The following GRM7 variants were observed in gnomAD, a reference collection of about 807,000 sequenced individuals.
GRM7 encodes the protein glutamate metabotropic receptor 7, also known as metabotropic glutamate receptor 7.
In GRM7, 35 loss-of-function variants were observed where a neutral mutation model predicts 84.5. The ratio of observed to expected loss-of-function variants is 0.41; its 90% CI spans 0.32 to 0.55. The LOEUF is 0.55. Among genes scored for constraint, GRM7 ranks in the 20% least tolerant of loss-of-function variants. GRM7 has a pLI of 0.19. For missense variants in GRM7, 1,003 were observed against 1,194.6 expected, an observed-to-expected ratio of 0.84 and a Z score of 2.36; for synonymous variants, 487 against 455.1, an observed-to-expected ratio of 1.07 and a Z score of -0.89.
intron 9 of GRM7, chr3:7,691,403 G>T: frequency 2.5e-6 from 1 of 392,948 alleles, no homozygotes; most frequent in Non-Finnish European, 4.4e-6. Flanking sequence ...AAGAAAAACT[G>T]GACTGGGAGT....
chr3:7,246,282 A>G (rs556125500), intron 2 of GRM7, among the ~76,000 whole-genome samples: 1 of 152,122 alleles, frequency 6.6e-6, no homozygotes, highest in Non-Finnish European at 1.5e-5. Context: ...AGCCTATTGC[A>G]TCTACCTGGG....
chr3:7,261,477 G>A (rs1024092358), intron 2 of GRM7, among the ~76,000 whole-genome samples: 29 of 152,154 alleles, frequency 1.9e-4, no homozygotes, highest in Admixed American at 1.4e-3. Context: ...TACTCTCAAC[G>A]TATGGGTGTC....
intron 5 of GRM7, among the ~76,000 whole-genome samples, chr3:7,422,986 C>A (rs1041480310): frequency 1.3e-5 from 2 of 152,088 alleles, no homozygotes; most frequent in African/African-American, 4.8e-5. Context: ...CTCATTTTCC[C>A]AAATCTTGAC....
rs76384435 is a variant in GRM7 at position 7,464,265 on chromosome 3, C to A, written c.1515+2543C>A. 4.6e-3 allele frequency among the ~76,000 whole-genome samples: 692 copies of A among 152,052 alleles called. 3 individuals carry two copies. Among genetic ancestry groups the A allele is most frequent in the Non-Finnish European group, 8.1e-3 (550 of 67,998 alleles). On this transcript the variant is annotated intron_variant, in intron 7 of 9. Coordinates refer to ENST00000357716, the MANE Select transcript of GRM7 (RefSeq NM_000844.4). ...AATGGGATACATATGTAACGTGAGG[C>A]ACTGTGTGGATGATGGCAACACATG...
chr3:6,907,398 G>A (rs905676618), intron 1 of GRM7, among the ~76,000 whole-genome samples: 2 of 152,174 alleles, frequency 1.3e-5, no homozygotes, highest in Admixed American at 6.6e-5. Flanking sequence ...AAAGGGTTAT[G>A]CTGAACAAGA....
rs148496145 is a variant in GRM7 at position 7,138,305 on chromosome 3, C to T, written c.520-8147C>T. ...GTGACAATATGCCCAATCAACAAGA[C>T]GTTAGACCCTTTTTATCACTGAGAG... is the stretch of plus-strand genomic sequence containing the variant. On this transcript the variant is annotated intron_variant, in intron 1 of 9. Transcript: ENST00000357716. 4.8e-3 allele frequency among the ~76,000 whole-genome samples: 729 copies of T among 151,934 alleles called. 5 individuals carry two copies. Among genetic ancestry groups the T allele is most frequent in the African/African-American group, 0.017 (696 of 41,494 alleles).
intron 1 of GRM7, among the ~76,000 whole-genome samples, chr3:7,002,460 A>T (rs1381944123): frequency 6.6e-6 from 1 of 152,210 alleles, no homozygotes; most frequent in African/African-American, 2.4e-5. Context: ...TAATATATAC[A>T]TATGAGAAAC....
intron 9 of GRM7, among the ~76,000 whole-genome samples, chr3:7,698,630 A>T (rs946954669): frequency 2.6e-5 from 4 of 152,168 alleles, no homozygotes; most frequent in Non-Finnish European, 5.9e-5. Context: ...CTTTTCAACC[A>T]TGGCACTACT....
intron 9 of GRM7, among the ~76,000 whole-genome samples, chr3:7,682,679 A>T (rs1311029314): frequency 6.6e-6 from 1 of 152,178 alleles, no homozygotes; most frequent in Non-Finnish European, 1.5e-5. Flanking sequence ...ACAATTCAAT[A>T]CTATGCTACT....
At chr3:6,872,107 T>G (rs1458060301) in intron 1 of GRM7, among the ~76,000 whole-genome samples, 1 of 152,086 alleles carries the variant, frequency 6.6e-6, no homozygotes, top group Non-Finnish European at 1.5e-5. Flanking sequence ...ACTTTTGGAT[T>G]TGGGAGGTAT....
At chr3:7,132,628 A>G (rs1693641089) in intron 1 of GRM7, among the ~76,000 whole-genome samples, 1 of 152,230 alleles carries the variant, frequency 6.6e-6, no homozygotes, top group Non-Finnish European at 1.5e-5. Flanking sequence ...TCCTTTTATA[A>G]GAATAAAAGA....
chr3:6,988,461 G>A (rs1694511497), intron 1 of GRM7, among the ~76,000 whole-genome samples: 2 of 152,084 alleles, frequency 1.3e-5, no homozygotes, highest in African/African-American at 4.8e-5. Context: ...CTTTCTCAGA[G>A]TAATGCATTT....
At chr3:7,398,772 A>T (rs1695323867) in intron 4 of GRM7, among the ~76,000 whole-genome samples, 1 of 152,134 alleles carries the variant, frequency 6.6e-6, no homozygotes, top group Non-Finnish European at 1.5e-5. Context: ...TTAAACCTAC[A>T]TCCAGGGGAT....
intron 9 of GRM7, among the ~76,000 whole-genome samples, chr3:7,728,735 C>T (rs1702213940): frequency 6.6e-6 from 1 of 152,158 alleles, no homozygotes; most frequent in Admixed American, 6.5e-5. Flanking sequence ...AATGTGAAGG[C>T]AGATGCTGTG....
At chr3:7,513,703 A>G (rs1015472797) in intron 7 of GRM7, among the ~76,000 whole-genome samples, 1 of 152,240 alleles carries the variant, frequency 6.6e-6, no homozygotes, top group Non-Finnish European at 1.5e-5. Context: ...ACTTATCAAA[A>G]CATAATGTTT....
intron 2 of GRM7, among the ~76,000 whole-genome samples, chr3:7,229,938 C>T (rs1697138319): frequency 7.0e-6 from 1 of 142,322 alleles, no homozygotes; most frequent in Non-Finnish European, 1.5e-5. Context: ...CTCCCGGGTT[C>T]ACGCCATTCT....
At chr3:7,459,178 A>G (rs1698139706) in intron 6 of GRM7, among the ~76,000 whole-genome samples, 1 of 152,218 alleles carries the variant, frequency 6.6e-6, no homozygotes, top group African/African-American at 2.4e-5. Context: ...GGCCACACAC[A>G]GATTCAGCTG....
intron 7 of GRM7, among the ~76,000 whole-genome samples, chr3:7,569,568 A>G (rs541779340): frequency 1.3e-5 from 2 of 152,248 alleles, no homozygotes; most frequent in South Asian, 4.1e-4. Context: ...CAACCTGCTG[A>G]GGTCCCCTTC....
chr3:7,546,737 C>G (rs552408572), intron 7 of GRM7, among the ~76,000 whole-genome samples: 32 of 151,780 alleles, frequency 2.1e-4, no homozygotes, highest in African/African-American at 7.5e-4. Flanking sequence ...TTTCCATATT[C>G]TAGTTTTTCT....
Sources: gnomAD v4.1 joint callset for allele counts (sites outside exome capture counted in the v4.1 genomes callset) on GRCh38, gnomAD v4.1.1 for gene constraint, MANE v1.5 for transcripts, NCBI Gene and HGNC (gene_info 2026-07-23, HGNC 2026-07-21) for gene names.